Variants in GLT8D2 observed in about 807,000 individuals in gnomAD.
The protein encoded by GLT8D2 is glycosyltransferase 8 domain containing 2.
In GLT8D2, 45 loss-of-function variants were observed where a neutral mutation model predicts 44.5. The observed-to-expected ratio is 1.01, with a 90% CI of 0.80 to 1.30. The LOEUF is 1.30. Among genes scored for constraint, GLT8D2 ranks in the 50% most tolerant of loss-of-function variants. GLT8D2 has a pLI of 0.00. For missense variants in GLT8D2, 400 were observed against 430.4 expected (o/e 0.93, Z 0.62); for synonymous variants, 156 against 157.2 (o/e 0.99, Z 0.06).
intron 1 of GLT8D2, among the ~76,000 whole-genome samples, chr12:104,040,115 G>C (rs542318203): frequency 6.6e-6 from 1 of 152,256 alleles, no homozygotes; most frequent in South Asian, 2.1e-4. Flanking sequence ...CTAGGACATA[G>C]GACAGGGAAC....
chr12:103,989,253 T>C lies in GLT8D2; in HGVS notation c.*155A>G. The C allele has an allele frequency of 1.9e-6, 1 of 531,464 alleles. No individual in the cohort carries two copies. The highest frequency in any genetic ancestry group is 5.0e-4 in the Middle Eastern group (1 of 2,004). The allele number at this position is 531,464 out of a possible 1,614,324, so 32.9% of individuals were successfully genotyped here. A position where few individuals can be genotyped will look rare whatever the true frequency, so the allele number is the denominator to read the frequency against. On this transcript the variant is annotated 3_prime_UTR_variant, in exon 11 of 11. Coordinates refer to ENST00000360814, the MANE Select transcript of GLT8D2 (RefSeq NM_001384711.1). Reference sequence around the variant, plus strand: ...TTAAAGAAGTTAATCAATGCCTATATGGTCCAAGGTATAATTTGCACACAG... The same window carrying C: ...TTAAAGAAGTTAATCAATGCCTATACGGTCCAAGGTATAATTTGCACACAG...
At chr12:104,003,520 G>A (rs949209795) in intron 4 of GLT8D2, among the ~76,000 whole-genome samples, 10 of 152,264 alleles carry the variant, frequency 6.6e-5, no homozygotes, top group African/African-American at 1.2e-4. Flanking sequence ...ACCAACTCCC[G>A]TGCAGCTCTA....
At chr12:104,047,800 A>G (rs2136506967) in intron 1 of GLT8D2, among the ~76,000 whole-genome samples, 1 of 152,368 alleles carries the variant, frequency 6.6e-6, no homozygotes, top group East Asian at 1.9e-4. Context: ...TTCAGTTTAT[A>G]GAGAATTTGT....
chr12:104,018,504 A>T (rs1055388081), intron 3 of GLT8D2, among the ~76,000 whole-genome samples: 1 of 152,186 alleles, frequency 6.6e-6, no homozygotes, highest in Non-Finnish European at 1.5e-5. Context: ...CTCCATTTAA[A>T]ACAAAACTAC....
intron 9 of GLT8D2, 75 bp downstream of exon 9, chr12:103,994,260 G>T: frequency 7.1e-7 from 1 of 1,407,220 alleles, no homozygotes; most frequent in Non-Finnish European, 9.7e-7. Context: ...TCTAACCCTT[G>T]AACTATGTGT....
At chr12:104,042,110 T>A (rs1369835315) in intron 1 of GLT8D2, among the ~76,000 whole-genome samples, 1 of 152,220 alleles carries the variant, frequency 6.6e-6, no homozygotes, top group Non-Finnish European at 1.5e-5. Context: ...TGTTTCCATA[T>A]GAGAGAGAGG....
Position 104,057,740 on chromosome 12 carries a change from T to C in GLT8D2, c.-423+6209A>G, listed in dbSNP as rs139433325. Among the ~76,000 whole-genome samples the C allele has an allele frequency of 6.3e-3, 955 of 152,342 alleles. 44 individuals are homozygous for C. Among genetic ancestry groups the C allele is most frequent in the Admixed American group, 0.058 (882 of 15,300 alleles). Reference sequence around the variant, plus strand: ...TTGAAGGGTGTTGGCTTGCATATCATGTTTACAGAACAGTGTTATCATGCA... The same window carrying C: ...TTGAAGGGTGTTGGCTTGCATATCACGTTTACAGAACAGTGTTATCATGCA... On this transcript the variant is annotated intron_variant, in intron 1 of 10. Coordinates refer to the GLT8D2 transcript ENST00000548660.
At chr12:104,059,966 CA>C (rs1475187431) in intron 1 of GLT8D2, among the ~76,000 whole-genome samples, 1 of 152,240 alleles carries the variant, frequency 6.6e-6, no homozygotes, top group Non-Finnish European at 1.5e-5. Flanking sequence ...ATGTTATCCG[CA>C]TTTTCTAACT....
chr12:104,021,957 GAA>G (rs1877847773), intron 1 of GLT8D2, among the ~76,000 whole-genome samples: 1 of 9,670 alleles, frequency 1.0e-4, no homozygotes, highest in Non-Finnish European at 2.0e-4. Context: ...AGAAGAAGAG[GAA>G]GAAGAGGAAG....
intron 1 of GLT8D2, among the ~76,000 whole-genome samples, chr12:104,021,945 GAA>G (rs1566202506): frequency 1.2e-4 from 3 of 24,104 alleles, no homozygotes; most frequent in Non-Finnish European, 2.4e-4. Flanking sequence ...AGAAGAAGAA[GAA>G]GAAGAAGAGG....
In GLT8D2 at chr12:103,996,891, T is replaced by C. The variant is rs1873503425; in HGVS notation, c.488-44A>G. The C allele has an allele frequency of 2.8e-6, 4 of 1,431,612 alleles. No individual in the cohort carries two copies. The East Asian group carries it at 9.1e-5, about 33-fold the overall frequency. The allele number at this position is 1,431,612 out of a possible 1,614,324, so 88.7% of individuals were successfully genotyped here. ...CCAAGTAAAACATTATAGCATTTGT[T>C]TTTGGGCTAGATAGAGCCTTAGAGC... On this transcript the variant is annotated intron_variant, in intron 7 of 10. Transcript: ENST00000360814.
At chr12:104,018,784 T>C (rs550245845) in intron 3 of GLT8D2, among the ~76,000 whole-genome samples, 2 of 152,294 alleles carry the variant, frequency 1.3e-5, no homozygotes, top group South Asian at 4.1e-4. Flanking sequence ...AAAAATTATT[T>C]GTTGTTTATC....
intron 1 of GLT8D2, among the ~76,000 whole-genome samples, chr12:104,033,340 A>T (rs1224285166): frequency 2.6e-5 from 4 of 152,218 alleles, no homozygotes; most frequent in Non-Finnish European, 5.9e-5. Context: ...GAAGAAAATC[A>T]TGCCATTTGT....
At chr12:103,993,749 AG>A (rs1873062091) in intron 9 of GLT8D2, 2 of 378,760 alleles carry the variant, frequency 5.3e-6, no homozygotes, top group Non-Finnish European at 9.4e-6. Flanking sequence ...TTTAACTCCC[AG>A]GGTTTTAAAT....
chr12:103,998,921 A>G (rs372706014), intron 6 of GLT8D2, among the ~76,000 whole-genome samples: 18 of 152,202 alleles, frequency 1.2e-4, no homozygotes, highest in East Asian at 9.6e-4. Flanking sequence ...AAGATTTCCA[A>G]TGCTAGGAAA....
chr12:104,060,783 C>A (rs1450752506), intron 1 of GLT8D2, among the ~76,000 whole-genome samples: 8 of 152,080 alleles, frequency 5.3e-5, no homozygotes, highest in Non-Finnish European at 1.2e-4. Context: ...ACTAGCCAGG[C>A]ATGGTAGTGC....
At chr12:103,989,668 G>A (rs994181791) in intron 10 of GLT8D2, 91 bp from the exon 11 acceptor site, 8 of 1,172,544 alleles carry the variant, frequency 6.8e-6, no homozygotes, top group Non-Finnish European at 8.4e-6. Flanking sequence ...TTTAAAAAAA[G>A]GTAAACAAAT....
At chr12:103,989,851 A>T (rs1051754122) in intron 10 of GLT8D2, among the ~76,000 whole-genome samples, 1 of 152,052 alleles carries the variant, frequency 6.6e-6, no homozygotes, top group Non-Finnish European at 1.5e-5. Flanking sequence ...CCTTTAAAAA[A>T]AAATTATTTT....
chr12:103,993,757 A>G (rs1332797587), intron 9 of GLT8D2: 2 of 371,774 alleles, frequency 5.4e-6, no homozygotes, highest in Non-Finnish European at 4.8e-6. Flanking sequence ...CCAGGGTTTT[A>G]AATAGTAGAC....
Sources: gnomAD v4.1 joint callset for allele counts (sites outside exome capture counted in the v4.1 genomes callset) on GRCh38, gnomAD v4.1.1 for gene constraint, MANE v1.5 for transcripts, NCBI Gene and HGNC (gene_info 2026-07-23, HGNC 2026-07-21) for gene names.